The following RGS21 variants were observed in gnomAD, a reference collection of about 807,000 sequenced individuals.
RGS21 encodes regulator of G protein signaling 21, also known as regulator of G-protein signalling 21.
A neutral mutation model predicts 18.7 loss-of-function variants in RGS21; 19 were observed. The observed-to-expected ratio is 1.01, with a 90% CI of 0.71 to 1.49. The LOEUF is 1.49. Among genes scored for constraint, RGS21 ranks in the 40% most tolerant of loss-of-function variants. RGS21 has a pLI of 0.00. For missense variants in RGS21, 194 were observed against 176.8 expected (o/e 1.10, Z -0.55); for synonymous variants, 56 against 57.8 (o/e 0.97, Z 0.14).
chr1:192,320,499 A>AACGTGTATGTGTATGTGT (rs1444184180), intron 1 of RGS21, among the ~76,000 whole-genome samples: 3 of 115,204 alleles, frequency 2.6e-5, no homozygotes, highest in Admixed American at 8.4e-5. Flanking sequence ...AATGTAAAGG[A>AACGTGTATGTGTATGTGT]ATGTGTATGT....
intron 1 of RGS21, among the ~76,000 whole-genome samples, chr1:192,323,986 A>C (rs987601912): frequency 6.6e-6 from 1 of 152,104 alleles, no homozygotes; most frequent in Non-Finnish European, 1.5e-5. Context: ...ATTTTGCCTC[A>C]TGTAAATGTT....
intron 4 of RGS21, among the ~76,000 whole-genome samples, chr1:192,358,565 C>T (rs186960822): frequency 8.6e-5 from 13 of 151,994 alleles, no homozygotes; most frequent in Admixed American, 5.3e-4. Context: ...AAGATGCTGC[C>T]GGCTCCATTT....
chr1:192,332,727 C>T (rs982609598), intron 1 of RGS21, among the ~76,000 whole-genome samples: 2 of 152,120 alleles, frequency 1.3e-5, no homozygotes, highest in African/African-American at 4.8e-5. Context: ...TTCATATCTA[C>T]TATACATAAA....
intron 1 of RGS21, among the ~76,000 whole-genome samples, chr1:192,330,851 A>G (rs1658635696): frequency 6.6e-6 from 1 of 152,214 alleles, no homozygotes; most frequent in South Asian, 2.1e-4. Context: ...TCAAAACAAA[A>G]AATAAGGATT....
chr1:192,345,467 G>C (rs1319694023), intron 2 of RGS21, among the ~76,000 whole-genome samples: 1 of 151,898 alleles, frequency 6.6e-6, no homozygotes, highest in Admixed American at 6.6e-5. Flanking sequence ...TCAATATTTG[G>C]GGTTTGGTCA....
intron 2 of RGS21, among the ~76,000 whole-genome samples, chr1:192,344,371 A>T (rs1354954547): frequency 6.6e-6 from 1 of 152,114 alleles, no homozygotes; most frequent in Admixed American, 6.6e-5. Flanking sequence ...TTTCAATTCT[A>T]ACTCTGGCCA....
chr1:192,321,344 A>G (rs2102220587), intron 1 of RGS21, among the ~76,000 whole-genome samples: 1 of 152,106 alleles, frequency 6.6e-6, no homozygotes, highest in African/African-American at 2.4e-5. Context: ...AGAATATAAA[A>G]TGATCTAATT....
intron 4 of RGS21, among the ~76,000 whole-genome samples, chr1:192,363,007 T>C (rs1659207144): frequency 6.6e-6 from 1 of 152,126 alleles, no homozygotes; most frequent in African/African-American, 2.4e-5. Flanking sequence ...GTTAGTTAAA[T>C]TTAAAGACAA....
At chr1:192,340,136 T>C (rs574142767) in intron 1 of RGS21, among the ~76,000 whole-genome samples, 1 of 152,084 alleles carries the variant, frequency 6.6e-6, no homozygotes, top group Non-Finnish European at 1.5e-5. Flanking sequence ...TGATTTCTTG[T>C]ACAAGTATTT....
chr1:192,326,895 T>C (rs774275530), intron 1 of RGS21, among the ~76,000 whole-genome samples: 4 of 152,126 alleles, frequency 2.6e-5, no homozygotes, highest in Non-Finnish European at 5.9e-5. Context: ...TCTAATATTA[T>C]AGATAGTAAA....
At chr1:192,330,935 A>C (rs1658637734) in intron 1 of RGS21, among the ~76,000 whole-genome samples, 1 of 152,216 alleles carries the variant, frequency 6.6e-6, no homozygotes, top group South Asian at 2.1e-4. Flanking sequence ...AACCATGTGT[A>C]TCTGTGCAAT....
At chr1:192,339,225 T>A (rs188201191) in intron 1 of RGS21, among the ~76,000 whole-genome samples, 7,264 of 145,636 alleles carry the variant, frequency 0.05, 242 homozygotes, top group Middle Eastern at 0.091. Flanking sequence ...CATTTTTTTT[T>A]AAAAAAAAAG....
chr1:192,345,203 C>G (rs1658928985), intron 2 of RGS21, among the ~76,000 whole-genome samples: 1 of 152,074 alleles, frequency 6.6e-6, no homozygotes. Context: ...TAAAACCTGT[C>G]TGTCCTTAAA....
At position 192,358,642 on chromosome 1, in the gene RGS21, C is replaced by T. The variant is rs113165606; in HGVS notation, c.255+6429C>T. ...AATGACAGTCTCCTGCTACACTATA[C>T]ATTCTAAATGAGGAAAGGCTATCTA... On this transcript the variant is annotated intron_variant, in intron 4 of 4. Coordinates refer to ENST00000417209, the MANE Select transcript of RGS21 (RefSeq NM_001039152.3). Among the ~76,000 whole-genome samples the T allele has an allele frequency of 1.4e-3, 210 of 152,162 alleles. 3 individuals carry two copies. Among genetic ancestry groups the T allele is most frequent in the African/African-American group, 4.7e-3 (197 of 41,530 alleles).
At chr1:192,324,538 G>T (rs1474713144) in intron 1 of RGS21, among the ~76,000 whole-genome samples, 2 of 151,890 alleles carry the variant, frequency 1.3e-5, no homozygotes, top group South Asian at 2.1e-4. Context: ...CTGAAATAAT[G>T]ATTATGTTGC....
chr1:192,335,092 A>T (rs1448889686), intron 1 of RGS21, among the ~76,000 whole-genome samples: 1 of 152,168 alleles, frequency 6.6e-6, no homozygotes, highest in Non-Finnish European at 1.5e-5. Context: ...TCCCTAAAAA[A>T]AATCATTTCA....
intron 1 of RGS21, 69 bp downstream of exon 1, chr1:192,317,174 T>A (rs571649240): frequency 6.6e-6 from 1 of 152,024 alleles, no homozygotes. Flanking sequence ...TGATGACATT[T>A]AGAGATAAAA....
rs1319016025 is a variant in RGS21, at chr1:192,366,563, T to C, written c.*439T>C. 6.6e-6 allele frequency: 1 copy of C among 152,164 alleles called. No homozygotes were observed. The highest frequency in any genetic ancestry group is 2.4e-5 in the African/African-American group (1 of 41,316). The allele number at this position is 152,164 out of a possible 1,614,324, so 9.4% of individuals were successfully genotyped here. On this transcript the variant is annotated 3_prime_UTR_variant, in exon 5 of 5. Transcript: ENST00000417209. ...AGCTTTCATTTAATATATTTAACTG[T>C]TTTTTTTCTGCCATTTCTTTCCAAC...
intron 3 of RGS21, among the ~76,000 whole-genome samples, chr1:192,347,602 A>C (rs1658971511): frequency 6.6e-6 from 1 of 152,096 alleles, no homozygotes; most frequent in African/African-American, 2.4e-5. Flanking sequence ...AACAAAAGGG[A>C]AATTCAATCT....
Sources: gnomAD v4.1 joint callset for allele counts (sites outside exome capture counted in the v4.1 genomes callset) on GRCh38, gnomAD v4.1.1 for gene constraint, MANE v1.5 for transcripts, NCBI Gene and HGNC (gene_info 2026-07-23, HGNC 2026-07-21) for gene names.